Variants in RIMS2 observed in about 807,000 individuals in gnomAD.
RIMS2 encodes the protein regulating synaptic membrane exocytosis protein 2.
A neutral mutation model predicts 174.4 loss-of-function variants in RIMS2; 59 were observed. The ratio of observed to expected loss-of-function variants is 0.34; its 90% confidence interval spans 0.27 to 0.42. The LOEUF (loss-of-function observed/expected upper bound fraction) is 0.42. Among genes scored for constraint, RIMS2 ranks in the 10% least tolerant of loss-of-function variants. RIMS2 has a pLI of 1.00. For synonymous variants in RIMS2, 606 were observed against 572.5 expected (o/e 1.06, Z -0.84); for missense variants, 1,620 against 1,666.3 (o/e 0.97, Z 0.48).
At chr8:103,923,303 G>C (rs1262816661) in intron 10 of RIMS2, among the ~76,000 whole-genome samples, 2 of 151,770 alleles carry the variant, frequency 1.3e-5, no homozygotes, top group Admixed American at 1.3e-4. Context: ...CTGTGTCTGT[G>C]TGTATGTATA....
At chr8:103,707,899 A>T (rs746110049) in intron 2 of RIMS2, among the ~76,000 whole-genome samples, 7 of 152,234 alleles carry the variant, frequency 4.6e-5, no homozygotes, top group Non-Finnish European at 8.8e-5. Flanking sequence ...TAGAAGGACC[A>T]TCCAGAACCA....
At chr8:103,898,734 A>C (rs1349182387) in intron 4 of RIMS2, among the ~76,000 whole-genome samples, 5 of 150,318 alleles carry the variant, frequency 3.3e-5, no homozygotes. Context: ...ATTTTTTTTT[A>C]TTATTATACT....
Position 103,861,171 on chromosome 8 carries a change from A to C in RIMS2, c.699-24127A>C, listed in dbSNP as rs532521003. Among the ~76,000 whole-genome samples, 3 of 139,988 alleles carry C rather than the reference A, an allele frequency of 2.1e-5. No individual in the cohort carries two copies. In the South Asian group the frequency reaches 7.3e-4, roughly 34 times the overall value. 91.8% of individuals were successfully genotyped at this position (139,988 alleles called of 152,430 possible). A position where few individuals can be genotyped will look rare whatever the true frequency, so the allele number is the denominator to read the frequency against. On this transcript the variant is annotated intron_variant, in intron 3 of 23. Coordinates refer to ENST00000504942, the Ensembl canonical transcript of RIMS2. ...AGGGTCCCCAGTGTTTATTGTTTCT[A>C]TTTTTATGTTTATGTGTACCTGTTG...
chr8:103,636,644 A>G (rs549437556), intron 1 of RIMS2, among the ~76,000 whole-genome samples: 3 of 152,186 alleles, frequency 2.0e-5, no homozygotes, highest in African/African-American at 7.2e-5. Flanking sequence ...GATTAATTTC[A>G]GTGCAAGTAC....
chr8:103,881,995 A>G (rs1224268626), intron 3 of RIMS2, among the ~76,000 whole-genome samples: 1 of 151,510 alleles, frequency 6.6e-6, no homozygotes, highest in Admixed American at 6.6e-5. Flanking sequence ...AGAAAGGCAT[A>G]ATTTTGGATT....
At chr8:103,746,475 A>T (rs1202265374) in intron 2 of RIMS2, among the ~76,000 whole-genome samples, 2 of 152,096 alleles carry the variant, frequency 1.3e-5, no homozygotes, top group Admixed American at 1.3e-4. Context: ...TTTTAGGTTC[A>T]GGGGTACATG....
At chr8:103,748,882 C>G (rs1171281002) in intron 2 of RIMS2, among the ~76,000 whole-genome samples, 1 of 151,964 alleles carries the variant, frequency 6.6e-6, no homozygotes, top group Non-Finnish European at 1.5e-5. Flanking sequence ...CTCACCGCAA[C>G]CTCCGCCTCC....
intron 3 of RIMS2, among the ~76,000 whole-genome samples, chr8:103,850,677 T>C (rs2098992927): frequency 6.6e-6 from 1 of 152,036 alleles, no homozygotes; most frequent in Admixed American, 6.6e-5. Flanking sequence ...ACTTTTACCT[T>C]GTATTTATAT....
chr8:103,892,349 T>A (rs1041828676), intron 4 of RIMS2, among the ~76,000 whole-genome samples: 2 of 151,552 alleles, frequency 1.3e-5, no homozygotes, highest in African/African-American at 4.8e-5. Flanking sequence ...ACCACAGGCT[T>A]TCACCACCGA....
intron 3 of RIMS2, among the ~76,000 whole-genome samples, chr8:103,779,656 G>T (rs1329401398): frequency 6.7e-6 from 1 of 148,190 alleles, no homozygotes; most frequent in Non-Finnish European, 1.5e-5. Flanking sequence ...TGCAAAGACA[G>T]AAAACCAAAC....
At chr8:103,788,676 C>T (rs1277824636) in intron 3 of RIMS2, among the ~76,000 whole-genome samples, 1 of 151,990 alleles carries the variant, frequency 6.6e-6, no homozygotes, top group Non-Finnish European at 1.5e-5. Context: ...CTCTTCAAAG[C>T]TGTCAGACAG....
intron 19 of RIMS2, among the ~76,000 whole-genome samples, chr8:104,045,552 C>T (rs2096678825): frequency 6.6e-6 from 1 of 151,796 alleles, no homozygotes; most frequent in Non-Finnish European, 1.5e-5. Context: ...AGAATTACTT[C>T]CAGACCTGAT....
At chr8:103,948,710 G>T (rs2084457526) in intron 14 of RIMS2, among the ~76,000 whole-genome samples, 1 of 152,136 alleles carries the variant, frequency 6.6e-6, no homozygotes, top group Non-Finnish European at 1.5e-5. Flanking sequence ...ACAATCTTTT[G>T]GGGGTGAAGG....
intron 1 of RIMS2, among the ~76,000 whole-genome samples, chr8:103,584,395 A>G (rs950587130): frequency 2.0e-5 from 3 of 151,922 alleles, no homozygotes; most frequent in Admixed American, 2.0e-4. Flanking sequence ...AATCACCTGA[A>G]GGTACCAAAC....
At chr8:103,945,835 T>G (rs2154540790) in intron 14 of RIMS2, among the ~76,000 whole-genome samples, 1 of 152,182 alleles carries the variant, frequency 6.6e-6, no homozygotes, top group African/African-American at 2.4e-5. Flanking sequence ...AGAAGAGAAC[T>G]TTCTGATGAA....
At chr8:103,908,800 A>G (rs957972472) in intron 4 of RIMS2, among the ~76,000 whole-genome samples, 38 of 152,180 alleles carry the variant, frequency 2.5e-4, no homozygotes, top group African/African-American at 9.2e-4. Flanking sequence ...CCTAGTCTCT[A>G]TATAGTACTT....
At chr8:103,841,400 T>A (rs905563504) in intron 3 of RIMS2, among the ~76,000 whole-genome samples, 8 of 152,140 alleles carry the variant, frequency 5.3e-5, no homozygotes, top group Non-Finnish European at 1.2e-4. Context: ...AAATCTTTTT[T>A]ATTAAACATT....
intron 14 of RIMS2, among the ~76,000 whole-genome samples, chr8:103,946,433 A>G (rs1307049881): frequency 6.6e-6 from 1 of 152,172 alleles, no homozygotes; most frequent in Non-Finnish European, 1.5e-5. Context: ...CAGAAGTTGC[A>G]GTGAGCCAAA....
At chr8:104,040,110 A>T (rs901038483) in intron 19 of RIMS2, among the ~76,000 whole-genome samples, 4 of 151,640 alleles carry the variant, frequency 2.6e-5, no homozygotes, top group Non-Finnish European at 5.9e-5. Flanking sequence ...TTTTATCACT[A>T]TTCATATAAA....
Sources: allele counts gnomAD v4.1 joint callset (sites outside exome capture counted in the v4.1 genomes callset), GRCh38; gene constraint gnomAD v4.1.1; transcripts MANE v1.5; gene names NCBI Gene and HGNC (gene_info 2026-07-23, HGNC 2026-07-21).